The following PKD1L1 variants were observed in gnomAD, a reference collection of about 807,000 sequenced individuals.
The protein encoded by PKD1L1 is polycystin-1-like protein 1.
Under a neutral mutation model 323.4 loss-of-function variants are expected in PKD1L1, and 236 were observed. The ratio of observed to expected loss-of-function variants is 0.73; its 90% CI spans 0.66 to 0.81. The LOEUF (loss-of-function observed/expected upper bound fraction) is 0.81. Ranked by LOEUF, PKD1L1 falls within the 40% of genes least tolerant of loss-of-function variation. The pLI, the probability that PKD1L1 is intolerant of heterozygous loss-of-function variation, is 0.00. For missense variants in PKD1L1, 3,320 were observed against 3,508.0 expected, an observed-to-expected ratio of 0.95 and a Z score of 1.35; for synonymous variants, 1,344 against 1,335.0, an observed-to-expected ratio of 1.01 and a Z score of -0.15.
At position 47,855,228 on chromosome 7, in the gene PKD1L1, G is replaced by A; in HGVS notation, c.4628C>T (p.Ser1543Phe). Reference sequence around the variant, plus strand: ...TTGCCTGTTGATGGGTCTTCTGCTGGAGCAGGTATAGAGGTTGAGGCCCAC... The same window carrying A: ...TTGCCTGTTGATGGGTCTTCTGCTGAAGCAGGTATAGAGGTTGAGGCCCAC... Reference protein sequence around the residue: ...GVVGLNLYTCSSRRPINRQWL... With the variant: ...GVVGLNLYTCFSRRPINRQWL... Residue 1543 changes from serine (S) to phenylalanine (F), a missense_variant, in exon 29 of 57, where the codon TCC (serine) becomes TTC (phenylalanine). Coordinates refer to ENST00000289672, the MANE Select transcript of PKD1L1 (RefSeq NM_138295.5). 6.2e-7 allele frequency: 1 copy of A among 1,614,168 alleles called. No individual in the cohort carries two copies. The highest frequency in any genetic ancestry group is 8.5e-7 in the Non-Finnish European group (1 of 1,180,028).
chr7:47,906,382 T>A (rs747989920), intron 9 of PKD1L1, among the ~76,000 whole-genome samples: 1 of 152,182 alleles, frequency 6.6e-6, no homozygotes, highest in Non-Finnish European at 1.5e-5. Flanking sequence ...TGCATATATG[T>A]ATATATACAT....
At chr7:47,819,677 CT>C in intron 46 of PKD1L1, 1 of 885,688 alleles carries the variant, frequency 1.1e-6, no homozygotes, top group Non-Finnish European at 1.6e-6. Flanking sequence ...GATTACTGAG[CT>C]ACAGAACACC....
Position 47,829,422 on chromosome 7 carries a change from T to C in PKD1L1, c.6735+3A>G, listed in dbSNP as rs746255959. 1.9e-6 allele frequency: 3 copies of C among 1,588,364 alleles called. No individual in the cohort carries two copies. Among genetic ancestry groups the C allele is most frequent in the African/African-American group, 2.7e-5 (2 of 73,342 alleles). On this transcript the variant is annotated splice_donor_region_variant and intron_variant, in intron 44 of 56. Coordinates refer to ENST00000289672, the MANE Select transcript of PKD1L1 (RefSeq NM_138295.5). ...TTTGCACTGCATAGGTAATTTTTTT[T>C]ACTTTTTCAACCTCGCCTGCACAGT...
At chr7:47,831,780 G>A (rs1449001076) in intron 41 of PKD1L1, among the ~76,000 whole-genome samples, 3 of 152,198 alleles carry the variant, frequency 2.0e-5, no homozygotes, top group African/African-American at 4.8e-5. Context: ...GGACCTATGG[G>A]TCCCCAACAT....
At chr7:47,936,217 G>A (rs1244435063) in intron 4 of PKD1L1, among the ~76,000 whole-genome samples, 1 of 152,136 alleles carries the variant, frequency 6.6e-6, no homozygotes, top group Non-Finnish European at 1.5e-5. Context: ...TGAAGGCACA[G>A]TTCAGTGGTG....
chr7:47,893,857 C>G, intron 15 of PKD1L1, 21 bp downstream of exon 15: 1 of 1,609,472 alleles, frequency 6.2e-7, no homozygotes, highest in Non-Finnish European at 8.5e-7. Flanking sequence ...CTGCGCAGCT[C>G]TGTGTGGGGG....
chr7:47,903,586 G>A (rs915063353), intron 12 of PKD1L1, among the ~76,000 whole-genome samples: 5 of 152,234 alleles, frequency 3.3e-5, no homozygotes, highest in African/African-American at 4.8e-5. Flanking sequence ...TGGAGAGGCT[G>A]CAGTGTGGGT....
chr7:47,944,365 G>A (rs1404804379), intron 1 of PKD1L1, among the ~76,000 whole-genome samples: 1 of 152,148 alleles, frequency 6.6e-6, no homozygotes, highest in African/African-American at 2.4e-5. Context: ...AGTAGCAGAC[G>A]CCAGCATTAT....
chr7:47,794,122 G>T (rs1293079003), intron 55 of PKD1L1, among the ~76,000 whole-genome samples: 1 of 152,194 alleles, frequency 6.6e-6, no homozygotes, highest in Non-Finnish European at 1.5e-5. Flanking sequence ...CAGTGGAAAA[G>T]AAAAACTCAT....
intron 25 of PKD1L1, among the ~76,000 whole-genome samples, chr7:47,866,113 C>G (rs1432445521): frequency 2.0e-5 from 3 of 152,198 alleles, no homozygotes; most frequent in African/African-American, 4.8e-5. Context: ...ATGAACTTAA[C>G]TCTCCAAGAT....
chr7:47,956,966 T>C, the PKD1L1 span: 9 of 153,154 alleles, frequency 5.9e-5, no homozygotes, highest in African/African-American at 2.2e-4. Context: ...CAGATACATA[T>C]AAAGATGAAG....
At chr7:47,907,530 T>C (rs1787231507) in intron 9 of PKD1L1, among the ~76,000 whole-genome samples, 1 of 152,130 alleles carries the variant, frequency 6.6e-6, no homozygotes, top group Admixed American at 6.5e-5. Flanking sequence ...GTGACACGAG[T>C]GAGGCGTTAG....
chr7:47,897,866 T>A (rs1412812188), intron 14 of PKD1L1, 122 bp downstream of exon 14: 14 of 721,008 alleles, frequency 1.9e-5, no homozygotes, highest in Admixed American at 3.6e-5. Context: ...TTTTTTTTTT[T>A]AAACAACCTC....
chr7:47,940,605 G>A (rs1466630951), intron 2 of PKD1L1, among the ~76,000 whole-genome samples: 2 of 152,244 alleles, frequency 1.3e-5, no homozygotes, highest in East Asian at 3.8e-4. Context: ...GAAACACCCA[G>A]TGGTCTGGTC....
chr7:47,818,125 G>A (rs753802893), intron 46 of PKD1L1: 2 of 1,367,732 alleles, frequency 1.5e-6, no homozygotes, highest in South Asian at 2.3e-5. Flanking sequence ...AGCACCCAGA[G>A]GGTGGAATGA....
In PKD1L1 at chr7:47,885,991, G is replaced by A; in HGVS notation, c.2900C>T (p.Ser967Leu). 1.2e-6 allele frequency: 2 copies of A among 1,614,204 alleles called. No homozygotes were observed. Among genetic ancestry groups the A allele is most frequent in the Non-Finnish European group, 1.7e-6 (2 of 1,180,042 alleles). ...CTCAGTGGGCAGCAGGTTTAACTGTGATGACTCTGAAATGGCACCGAGTCC... is the reference window on the plus strand; with the variant it reads ...CTCAGTGGGCAGCAGGTTTAACTGTAATGACTCTGAAATGGCACCGAGTCC... ...SLGLGAISES[S>L]QLNLLPTEPG... Residue 967 changes from serine (S) to leucine (L), a missense_variant, in exon 18 of 57, where the codon TCA becomes TTA. Ser to Leu is a moderately radical substitution (Grantham distance 145). Transcript: ENST00000289672.
At chr7:47,960,692 TA>T in the PKD1L1 span, among the ~76,000 whole-genome samples, 27,211 of 134,272 alleles carry the variant, frequency 0.2, 3,435 homozygotes, top group African/African-American at 0.39. Flanking sequence ...TTTTTCTAAT[TA>T]AAAAAAAAAA....
At position 47,905,254 on chromosome 7, in the gene PKD1L1, C is replaced by T; in HGVS notation, c.1594G>A (p.Glu532Lys). ...TDITFTAVTK[E>K]TIPLEFEWYF... is the part of the protein sequence containing the mutation. The stretch of plus-strand genomic sequence containing the variant: ...CACTCAAATTCCAGGGGTATTGTTT[C>T]CTTGGTAACAGCTGTAAATGTAATG... The change falls in exon 11 of 57, where the codon GAA becomes AAA. Residue 532 changes from glutamate (E) to lysine (K), a missense_variant. Physicochemically the swap from Glu to Lys is moderately conservative, Grantham distance 56. Transcript: ENST00000289672. 6.2e-7 allele frequency: 1 copy of T among 1,614,080 alleles called. No homozygotes were observed. Among genetic ancestry groups the T allele is most frequent in the Non-Finnish European group, 8.5e-7 (1 of 1,180,004 alleles).
chr7:47,957,862 A>AATATATATATATATATATAT, the PKD1L1 span, among the ~76,000 whole-genome samples: 147 of 134,680 alleles, frequency 1.1e-3, no homozygotes, highest in Non-Finnish European at 1.5e-3. Flanking sequence ...ATTAAAAAAA[A>AATATATATATATATATATAT]ATATATATAT....
Sources: allele counts gnomAD v4.1 joint callset (sites outside exome capture counted in the v4.1 genomes callset), GRCh38; gene constraint gnomAD v4.1.1; transcripts MANE v1.5; gene names NCBI Gene and HGNC (gene_info 2026-07-23, HGNC 2026-07-21).